The following RAI14 variants were observed in gnomAD, a reference collection of about 807,000 sequenced individuals.
RAI14 encodes retinoic acid induced 14.
In RAI14, 45 loss-of-function variants were observed where a neutral mutation model predicts 115.4. That is an observed-to-expected ratio of 0.39 (90% CI 0.31 to 0.50). The LOEUF (loss-of-function observed/expected upper bound fraction) is 0.50. RAI14 is among the 20% of genes least tolerant of loss of function. RAI14 has a pLI of 0.85. For missense variants in RAI14, 939 were observed against 1,131.2 expected, an observed-to-expected ratio of 0.83 and a Z score of 2.44; for synonymous variants, 371 against 415.4, an observed-to-expected ratio of 0.89 and a Z score of 1.30.
intron 1 of RAI14, chr5:34,657,065 G>A (rs1399577961): frequency 6.6e-6 from 1 of 152,240 alleles, no homozygotes; most frequent in Non-Finnish European, 1.5e-5. Context: ...GCCCAAGGGC[G>A]GGGGCGAGAC....
At chr5:34,825,505 A>G (rs1757344326) in intron 15 of RAI14, among the ~76,000 whole-genome samples, 1 of 152,096 alleles carries the variant, frequency 6.6e-6, no homozygotes, top group South Asian at 2.1e-4. Context: ...CCTAGACTTA[A>G]TCCTGTTTCC....
chr5:34,667,783 G>A (rs1743328883), intron 1 of RAI14, among the ~76,000 whole-genome samples: 1 of 152,092 alleles, frequency 6.6e-6, no homozygotes, highest in Admixed American at 6.6e-5. Context: ...GCAGCAGCAC[G>A]AAGGTCAGAA....
rs566595582 is a variant in RAI14, at chr5:34,823,722, C to G, written c.1880C>G (p.Ala627Gly). 6.2e-7 allele frequency: 1 copy of G among 1,614,084 alleles called. No individual in the cohort carries two copies. The highest frequency in any genetic ancestry group is 1.1e-5 in the South Asian group (1 of 91,076). ...SQMTQEASDEAEDMKEAMNRM... is the reference protein window; with the variant it reads ...SQMTQEASDEGEDMKEAMNRM... Reference sequence around the variant, plus strand: ...ATGACACAGGAAGCCAGTGATGAAGCTGAGGACATGAAAGAAGCCATGAAT... The same window carrying G: ...ATGACACAGGAAGCCAGTGATGAAGGTGAGGACATGAAAGAAGCCATGAAT... Residue 627 changes from alanine (A) to glycine (G), a missense_variant, in exon 15 of 18, where the codon GCT (alanine) becomes GGT (glycine). By Grantham distance (60) the Ala-to-Gly change is moderately conservative. Coordinates refer to ENST00000265109, the MANE Select transcript of RAI14 (RefSeq NM_015577.3). The surrounding 1 kb of genome is among the most constrained non-coding windows in gnomAD (Gnocchi z 4.5).
At chr5:34,663,047 C>G (rs1308642918) in intron 1 of RAI14, among the ~76,000 whole-genome samples, 1 of 152,066 alleles carries the variant, frequency 6.6e-6, no homozygotes, top group East Asian at 1.9e-4. Flanking sequence ...AAAGATATTT[C>G]TTCCCTTTGT....
At chr5:34,742,931 G>A (rs1745705466) in intron 2 of RAI14, among the ~76,000 whole-genome samples, 1 of 152,140 alleles carries the variant, frequency 6.6e-6, no homozygotes, top group African/African-American at 2.4e-5. Context: ...CAAAGTGCTG[G>A]GATTACAGGC....
In RAI14 at chr5:34,824,303, G is replaced by C. The variant is rs1441595456; in HGVS notation, c.2461G>C (p.Val821Leu). Residue 821 changes from valine (V) to leucine (L), a missense_variant, in exon 15 of 18, where the codon GTT becomes CTT. Val to Leu is a conservative substitution (Grantham distance 32, BLOSUM62 1). Coordinates refer to ENST00000265109, the MANE Select transcript of RAI14 (RefSeq NM_015577.3). ...AGAGAAAGAGAAGGTCCATTCAGAG[G>C]TTGTCCAGATTAGAAGTGAGGTCTC... ...VKEKEKVHSE[V>L]VQIRSEVSQV... The C allele has an allele frequency of 6.2e-7, 1 of 1,614,196 alleles. No individual in the cohort carries two copies. Among genetic ancestry groups the C allele is most frequent in the African/African-American group, 1.3e-5 (1 of 75,046 alleles).
At chr5:34,714,183 T>G (rs937132304) in intron 2 of RAI14, among the ~76,000 whole-genome samples, 2 of 152,250 alleles carry the variant, frequency 1.3e-5, no homozygotes, top group Admixed American at 1.3e-4. Flanking sequence ...CACATAAATT[T>G]CTAAGTGTCA....
At chr5:34,657,528 A>T (rs1742369785) in intron 1 of RAI14, among the ~76,000 whole-genome samples, 1 of 151,672 alleles carries the variant, frequency 6.6e-6, no homozygotes, top group African/African-American at 2.4e-5. Context: ...GCCCAACTTT[A>T]CTCCCAGAAA....
At chr5:34,669,796 A>G (rs116325063) in intron 1 of RAI14, among the ~76,000 whole-genome samples, 1,801 of 152,326 alleles carry the variant, frequency 0.012, 29 homozygotes, top group Middle Eastern at 0.027. Flanking sequence ...GTACATAAGT[A>G]TCTAAACGTT....
At chr5:34,764,557 C>T (rs1327625966) in intron 3 of RAI14, among the ~76,000 whole-genome samples, 2 of 151,964 alleles carry the variant, frequency 1.3e-5, no homozygotes, top group Non-Finnish European at 2.9e-5. Flanking sequence ...CTCTCTCTCT[C>T]TCTCTCTCTC....
intron 2 of RAI14, among the ~76,000 whole-genome samples, chr5:34,749,538 G>A (rs928575009): frequency 3.9e-5 from 6 of 152,306 alleles, no homozygotes; most frequent in African/African-American, 1.2e-4. Context: ...TTCATCACCC[G>A]GTTGACATGA....
intron 2 of RAI14, among the ~76,000 whole-genome samples, chr5:34,731,147 A>C (rs1197471581): frequency 2.6e-5 from 4 of 152,234 alleles, no homozygotes; most frequent in African/African-American, 9.6e-5. Context: ...AAATACAACA[A>C]AATGCTCTTT....
intron 2 of RAI14, among the ~76,000 whole-genome samples, chr5:34,741,762 A>G (rs562261054): frequency 6.6e-6 from 1 of 152,298 alleles, no homozygotes; most frequent in South Asian, 2.1e-4. Context: ...TGAATAAGGA[A>G]GTGAGCCACA....
chr5:34,708,421 C>T lies in RAI14; in HGVS notation c.36+21466C>T, dbSNP rs928274684. On this transcript the variant is annotated intron_variant, in intron 2 of 17. Coordinates refer to ENST00000265109, the MANE Select transcript of RAI14 (RefSeq NM_015577.3). ...TTCTCCACGTTGGTCAGGCTGGTCT[C>T]AAACTCCCGATCTCAGGTGATCCGC... 4.6e-5 allele frequency among the ~76,000 whole-genome samples: 7 copies of T among 152,312 alleles called. 1 individual carries two copies. The East Asian group carries it at 1.4e-3, about 29-fold the overall frequency.
chr5:34,799,490 A>G (rs1753930969), intron 4 of RAI14, among the ~76,000 whole-genome samples: 1 of 114,596 alleles, frequency 8.7e-6, no homozygotes, highest in Non-Finnish European at 1.7e-5. Flanking sequence ...AAACACACAC[A>G]CAGACACACA....
intron 14 of RAI14, among the ~76,000 whole-genome samples, chr5:34,822,248 A>ATG (rs1284250292): frequency 2.7e-5 from 3 of 111,010 alleles, no homozygotes; most frequent in East Asian, 2.3e-4. Context: ...GTATGTGTGT[A>ATG]TGTATATATA....
intron 1 of RAI14, among the ~76,000 whole-genome samples, chr5:34,659,817 G>C (rs1008294052): frequency 6.6e-6 from 1 of 152,174 alleles, no homozygotes; most frequent in Non-Finnish European, 1.5e-5. Flanking sequence ...AAGTGAAACT[G>C]ATTAAATTCT....
At chr5:34,684,111 T>A (rs1319131476) in intron 1 of RAI14, among the ~76,000 whole-genome samples, 2 of 152,220 alleles carry the variant, frequency 1.3e-5, no homozygotes, top group Non-Finnish European at 2.9e-5. Context: ...GGGGAATATC[T>A]GTTTATCGTT....
At chr5:34,766,970 T>C (rs1051057678) in intron 3 of RAI14, among the ~76,000 whole-genome samples, 4 of 152,168 alleles carry the variant, frequency 2.6e-5, no homozygotes, top group African/African-American at 7.2e-5. Context: ...GTTTCCACTT[T>C]TGCATCTTCG....
Sources: gnomAD v4.1 joint callset for allele counts (sites outside exome capture counted in the v4.1 genomes callset) on GRCh38, gnomAD v4.1.1 for gene constraint, Gnocchi (gnomAD v3.1) non-coding constraint, MANE v1.5 for transcripts, NCBI Gene and HGNC (gene_info 2026-07-23, HGNC 2026-07-21) for gene names.